ASPH: variants seen among roughly 807,000 people sequenced by gnomAD.
The protein encoded by ASPH is aspartyl/asparaginyl beta-hydroxylase.
Under a neutral mutation model 118.4 loss-of-function variants are expected in ASPH, and 100 were observed. The ratio of observed to expected loss-of-function variants is 0.84; its 90% CI spans 0.72 to 1.00. ASPH has a LOEUF of 1.00. Ranked by LOEUF, ASPH falls within the 50% of genes least tolerant of loss-of-function variation. The probability of loss-of-function intolerance (pLI) is 0.00; values close to 1 mark genes in which losing one functional copy is unlikely to be tolerated. For missense variants in ASPH, 920 were observed against 919.5 expected, an observed-to-expected ratio of 1.00 and a Z score of -0.01; for synonymous variants, 315 against 325.6, an observed-to-expected ratio of 0.97 and a Z score of 0.35.
intron 15 of ASPH, among the ~76,000 whole-genome samples, chr8:61,581,932 G>A (rs982894025): frequency 1.3e-5 from 2 of 152,110 alleles, no homozygotes; most frequent in Non-Finnish European, 2.9e-5. Flanking sequence ...CTTTTCTGGG[G>A]GGATAAAAAG....
intron 1 of ASPH, among the ~76,000 whole-genome samples, chr8:61,685,039 T>C (rs1014475234): frequency 6.6e-6 from 1 of 152,256 alleles, no homozygotes; most frequent in East Asian, 1.9e-4. Flanking sequence ...AAACAGATGA[T>C]GGAAGGCCAG....
chr8:61,638,562 C>T (rs760744363), intron 10 of ASPH, among the ~76,000 whole-genome samples, 199 bp from the exon 11 acceptor site: 3 of 152,168 alleles, frequency 2.0e-5, no homozygotes, highest in Non-Finnish European at 4.4e-5. Context: ...AATTCCAGGG[C>T]AGCCACTTTT....
chr8:61,528,214 A>C (rs905612677), intron 21 of ASPH, among the ~76,000 whole-genome samples: 3 of 152,208 alleles, frequency 2.0e-5, no homozygotes, highest in African/African-American at 7.2e-5. Context: ...CATTTCAATA[A>C]AGAGACATTC....
At chr8:61,548,955 T>C (rs1467625029) in intron 20 of ASPH, among the ~76,000 whole-genome samples, 1 of 152,166 alleles carries the variant, frequency 6.6e-6, no homozygotes, top group African/African-American at 2.4e-5. Flanking sequence ...ATGGCTCCTT[T>C]AAATGATGCC....
At chr8:61,650,102 T>C (rs1257945561) in intron 5 of ASPH, among the ~76,000 whole-genome samples, 2 of 152,086 alleles carry the variant, frequency 1.3e-5, no homozygotes, top group South Asian at 2.1e-4. Flanking sequence ...ACTTACCCCA[T>C]TATATTTAAA....
At chr8:61,550,448 C>CAA (rs1825556548) in intron 20 of ASPH, among the ~76,000 whole-genome samples, 1 of 148,070 alleles carries the variant, frequency 6.8e-6, no homozygotes, top group East Asian at 2.0e-4. Context: ...TACATACACA[C>CAA]ACACACACAC....
intron 18 of ASPH, among the ~76,000 whole-genome samples, chr8:61,557,345 C>T (rs1828245198): frequency 1.3e-5 from 2 of 152,130 alleles, no homozygotes; most frequent in African/African-American, 4.8e-5. Context: ...CCCTCCCAGC[C>T]AAGCCTCTGA....
chr8:61,630,215 C>T (rs1054713859), intron 13 of ASPH, among the ~76,000 whole-genome samples: 17 of 152,070 alleles, frequency 1.1e-4, no homozygotes, highest in African/African-American at 3.9e-4. Flanking sequence ...AATCAATCGT[C>T]AATTAGGTTC....
intron 18 of ASPH, 33 bp downstream of exon 18, chr8:61,562,711 A>C: frequency 1.3e-6 from 2 of 1,551,028 alleles, no homozygotes; most frequent in South Asian, 1.2e-5. Context: ...TTAGAACTTA[A>C]TTTGACGTAG....
At chr8:61,665,422 T>C (rs1819069649) in intron 3 of ASPH, 1 of 1,603,758 alleles carries the variant, frequency 6.2e-7, no homozygotes, top group Admixed American at 1.7e-5. Context: ...CTAGGTCCAC[T>C]TTCTCTTTTT....
chr8:61,634,725 C>T (rs769649565), intron 12 of ASPH, among the ~76,000 whole-genome samples: 17 of 152,086 alleles, frequency 1.1e-4, no homozygotes, highest in Non-Finnish European at 1.8e-4. Flanking sequence ...TATTTGGAGA[C>T]ATATTAACAC....
At chr8:61,605,578 A>C (rs1196279067) in intron 14 of ASPH, among the ~76,000 whole-genome samples, 1 of 152,230 alleles carries the variant, frequency 6.6e-6, no homozygotes, top group Admixed American at 6.5e-5. Flanking sequence ...TCTAGAATTA[A>C]ATAAGTGATT....
At chr8:61,544,781 A>T (rs1823186661) in intron 21 of ASPH, among the ~76,000 whole-genome samples, 2 of 152,236 alleles carry the variant, frequency 1.3e-5, no homozygotes, top group Non-Finnish European at 2.9e-5. Context: ...GGTCCCTGTC[A>T]TCTTAGAAGA....
At chr8:61,666,511 C>A (rs1246856809) in intron 3 of ASPH, among the ~76,000 whole-genome samples, 1 of 152,136 alleles carries the variant, frequency 6.6e-6, no homozygotes, top group South Asian at 2.1e-4. Flanking sequence ...TGAAATATTT[C>A]TTTAATATAA....
At chr8:61,522,027 C>T (rs1194859802) in intron 22 of ASPH, among the ~76,000 whole-genome samples, 3 of 152,070 alleles carry the variant, frequency 2.0e-5, no homozygotes, top group African/African-American at 7.2e-5. Context: ...TTCCCATGGG[C>T]TCTGGAAGAA....
intron 12 of ASPH, among the ~76,000 whole-genome samples, chr8:61,634,327 C>T (rs1302848251): frequency 6.6e-6 from 1 of 152,140 alleles, no homozygotes; most frequent in Non-Finnish European, 1.5e-5. Flanking sequence ...TCAAACCTAG[C>T]AACCCATTTA....
At chr8:61,671,263 T>A (rs1036929998) in intron 3 of ASPH, among the ~76,000 whole-genome samples, 5 of 152,168 alleles carry the variant, frequency 3.3e-5, no homozygotes, top group Admixed American at 6.5e-5. Flanking sequence ...AGATTCTCCC[T>A]ACAGTGCCAA....
At chr8:61,646,535 AT>A (rs1808067371) in intron 6 of ASPH, among the ~76,000 whole-genome samples, 1 of 152,212 alleles carries the variant, frequency 6.6e-6, no homozygotes, top group African/African-American at 2.4e-5. Context: ...TTTATAAGAA[AT>A]TTGTATATTC....
chr8:61,553,959 T>C (rs949644303), intron 19 of ASPH, among the ~76,000 whole-genome samples: 12 of 152,214 alleles, frequency 7.9e-5, no homozygotes, highest in African/African-American at 2.4e-4. Context: ...AGCTGCACGA[T>C]AGAATGGGAA....
Sources: allele counts gnomAD v4.1 joint callset (sites outside exome capture counted in the v4.1 genomes callset), GRCh38; gene constraint gnomAD v4.1.1; transcripts MANE v1.5; gene names NCBI Gene and HGNC (gene_info 2026-07-23, HGNC 2026-07-21).